Variants in RUNX1T1 observed in about 807,000 individuals in gnomAD.
RUNX1T1 encodes the protein protein CBFA2T1.
In RUNX1T1, 4 loss-of-function variants were observed where a neutral mutation model predicts 62.8. The observed-to-expected ratio is 0.06, with a 90% CI of 0.03 to 0.15. RUNX1T1 has a LOEUF of 0.15. Ranked by LOEUF, RUNX1T1 falls within the 10% of genes least tolerant of loss-of-function variation. The pLI is 1.00. For missense variants in RUNX1T1, 508 were observed against 754.3 expected (o/e 0.67, Z 3.82); for synonymous variants, 291 against 286.0 (o/e 1.02, Z -0.18).
At chr8:92,066,639 A>G (rs1035236055), upstream of RUNX1T1, among the ~76,000 whole-genome samples, 3 of 152,212 alleles carry the variant, frequency 2.0e-5, no homozygotes, top group Non-Finnish European at 4.4e-5. Flanking sequence ...CCTAATAAAA[A>G]TGTACATTAA....
chr8:92,066,471 T>C (rs534871732), upstream of RUNX1T1, among the ~76,000 whole-genome samples: 1 of 152,346 alleles, frequency 6.6e-6, no homozygotes, highest in South Asian at 2.1e-4. Context: ...GTTTTGATTT[T>C]CCACCCAGCT....
chr8:91,960,774 T>C (rs1313453130), intron 10 of RUNX1T1, among the ~76,000 whole-genome samples: 1 of 152,264 alleles, frequency 6.6e-6, no homozygotes, highest in Non-Finnish European at 1.5e-5. Context: ...AAGTTCTTAC[T>C]ATAACATCCT....
chr8:91,980,676 T>A (rs988724177), intron 8 of RUNX1T1, among the ~76,000 whole-genome samples: 1 of 152,200 alleles, frequency 6.6e-6, no homozygotes, highest in African/African-American at 2.4e-5. Context: ...TTAAATTTTT[T>A]AATTTTATAT....
chr8:92,088,355 A>C (rs945343074), intron 1 of RUNX1T1, among the ~76,000 whole-genome samples: 3 of 152,234 alleles, frequency 2.0e-5, no homozygotes, highest in Non-Finnish European at 4.4e-5. Flanking sequence ...CTTACAGTTC[A>C]CATGCCCCTG....
At chr8:92,035,276 T>A (rs1243693855) in intron 1 of RUNX1T1, among the ~76,000 whole-genome samples, 70 of 126,878 alleles carry the variant, frequency 5.5e-4, no homozygotes, top group Non-Finnish European at 1.6e-4. Flanking sequence ...GTCTGAGCGA[T>A]AAGAGTGAAA....
At chr8:92,022,822 T>C (rs1028814072) in intron 1 of RUNX1T1, among the ~76,000 whole-genome samples, 1 of 152,346 alleles carries the variant, frequency 6.6e-6, no homozygotes, top group Admixed American at 6.5e-5. Context: ...ATCTTACCTA[T>C]TCTCTGATCT....
intron 1 of RUNX1T1, among the ~76,000 whole-genome samples, chr8:92,062,273 G>A (rs1303103953): frequency 6.6e-6 from 1 of 152,060 alleles, no homozygotes; most frequent in East Asian, 1.9e-4. Context: ...AAATTACTCC[G>A]ACAAACATCC....
upstream of RUNX1T1, among the ~76,000 whole-genome samples, chr8:92,064,031 T>C (rs139827605): frequency 1.1e-4 from 16 of 152,326 alleles, no homozygotes; most frequent in African/African-American, 3.1e-4. Context: ...CCTTGTCAGA[T>C]GGATTTCCAC....
chr8:92,076,869 C>T (rs1834507704), intron 1 of RUNX1T1, among the ~76,000 whole-genome samples: 1 of 151,978 alleles, frequency 6.6e-6, no homozygotes, highest in African/African-American at 2.4e-5. Flanking sequence ...AAAAATGAGA[C>T]CACTACTATC....
At chr8:92,005,609 A>G in intron 4 of RUNX1T1, 1 of 269,498 alleles carries the variant, frequency 3.7e-6, no homozygotes, top group Non-Finnish European at 6.9e-6. Context: ...ACGGTATGTG[A>G]GAACCTAGCT....
intron 10 of RUNX1T1, among the ~76,000 whole-genome samples, chr8:91,970,043 T>TGTGTGTGTGTGGTGTG (rs11374252): frequency 2.1e-5 from 3 of 142,716 alleles, no homozygotes; most frequent in Admixed American, 7.0e-5. Flanking sequence ...TGTGTGTGTG[T>TGTGTGTGTGTGGTGTG]TGTGTGTGTG....
intron 1 of RUNX1T1, among the ~76,000 whole-genome samples, chr8:92,076,845 C>G (rs1479100525): frequency 6.6e-6 from 1 of 151,990 alleles, no homozygotes; most frequent in Non-Finnish European, 1.5e-5. Flanking sequence ...GTCTATTCCT[C>G]ACCTACTATG....
intron 1 of RUNX1T1, among the ~76,000 whole-genome samples, chr8:92,053,289 A>C (rs1185252217): frequency 6.6e-6 from 1 of 152,176 alleles, no homozygotes; most frequent in East Asian, 1.9e-4. Flanking sequence ...GTAAAAGATA[A>C]AAATATTTCA....
At chr8:91,965,303 T>G (rs1811342963) in intron 10 of RUNX1T1, among the ~76,000 whole-genome samples, 1 of 152,232 alleles carries the variant, frequency 6.6e-6, no homozygotes, top group Non-Finnish European at 1.5e-5. Context: ...TTACCATTGC[T>G]GATTACTTCC....
intron 9 of RUNX1T1, among the ~76,000 whole-genome samples, chr8:91,973,811 T>C (rs1454679704): frequency 6.6e-6 from 1 of 152,080 alleles, no homozygotes; most frequent in African/African-American, 2.4e-5. Flanking sequence ...GATTTCTAGA[T>C]GAAACTATCA....
intron 1 of RUNX1T1, among the ~76,000 whole-genome samples, chr8:92,058,924 G>T (rs911839732): frequency 1.3e-5 from 2 of 152,060 alleles, no homozygotes; most frequent in Non-Finnish European, 2.9e-5. Context: ...TCAAGAAAAA[G>T]ATTAAACAAT....
chr8:91,991,073 G>A (rs1817578576), intron 6 of RUNX1T1, among the ~76,000 whole-genome samples: 1 of 152,106 alleles, frequency 6.6e-6, no homozygotes, highest in South Asian at 2.1e-4. Flanking sequence ...ACCCAAAACT[G>A]TCAATATTAA....
intron 4 of RUNX1T1, chr8:92,010,710 C>G (rs1821754509): frequency 4.3e-6 from 1 of 231,064 alleles, no homozygotes; most frequent in African/African-American, 2.3e-5. Context: ...ACTCTAAAGA[C>G]AAGCAAAATG....
intron 5 of RUNX1T1, among the ~76,000 whole-genome samples, chr8:91,996,864 G>A (rs1355381113): frequency 6.6e-6 from 1 of 151,572 alleles, no homozygotes; most frequent in Non-Finnish European, 1.5e-5. Flanking sequence ...GCTCATGCCT[G>A]TAATCTCAGC....
Sources: gnomAD v4.1 joint callset for allele counts (sites outside exome capture counted in the v4.1 genomes callset) on GRCh38, gnomAD v4.1.1 for gene constraint, MANE v1.5 for transcripts, NCBI Gene and HGNC (gene_info 2026-07-23, HGNC 2026-07-21) for gene names.